The following FILIP1L variants were observed in gnomAD, a reference collection of about 807,000 sequenced individuals.
The protein encoded by FILIP1L is filamin A interacting protein 1 like, also known as filamin A-interacting protein 1-like.
FILIP1L carries 55 observed loss-of-function variants against 96.6 expected under a neutral mutation model. The observed-to-expected ratio is 0.57, with a 90% CI of 0.46 to 0.71. The LOEUF (loss-of-function observed/expected upper bound fraction) is 0.71, where lower values mean the gene tolerates loss of function less well. Among genes scored for constraint, FILIP1L ranks in the 30% least tolerant of loss-of-function variants. FILIP1L has a pLI of 0.00. For synonymous variants in FILIP1L, 467 were observed against 473.9 expected (o/e 0.99, Z 0.19); for missense variants, 1,304 against 1,321.2 (o/e 0.99, Z 0.20).
At chr3:100,055,202 G>A (rs189245333) in intron 1 of FILIP1L, among the ~76,000 whole-genome samples, 281 of 152,166 alleles carry the variant, frequency 1.8e-3, no homozygotes, top group Middle Eastern at 3.4e-3. Flanking sequence ...CAATTTCTTC[G>A]TGTATGCATA....
chr3:99,946,795 C>T (rs1038983774), intron 1 of FILIP1L, among the ~76,000 whole-genome samples: 1 of 152,050 alleles, frequency 6.6e-6, no homozygotes, highest in Non-Finnish European at 1.5e-5. Context: ...ATGTTGGCTG[C>T]AGTATTTAAA....
At chr3:100,084,296 C>T (rs534836781) in intron 1 of FILIP1L, among the ~76,000 whole-genome samples, 1 of 152,176 alleles carries the variant, frequency 6.6e-6, no homozygotes, top group South Asian at 2.1e-4. Flanking sequence ...TTTTCACTAG[C>T]CCATTGAGTA....
At chr3:99,924,582 G>T (rs1191376120) in intron 3 of FILIP1L, among the ~76,000 whole-genome samples, 174 bp from the exon 4 acceptor site, 6 of 152,110 alleles carry the variant, frequency 3.9e-5, no homozygotes, top group African/African-American at 7.2e-5. Context: ...GCAATGGCGC[G>T]ATCTCGACTC....
chr3:100,033,899 T>G (rs907520174), intron 1 of FILIP1L, among the ~76,000 whole-genome samples: 1 of 152,188 alleles, frequency 6.6e-6, no homozygotes, highest in Admixed American at 6.5e-5. Flanking sequence ...GTTTTATGTA[T>G]AACTGAGCAG....
rs930122404 is a variant in FILIP1L, at chr3:99,829,251, G to A, written c.*1163C>T. Among the ~76,000 whole-genome samples, 1 of 152,024 alleles carries A rather than the reference G, an allele frequency of 6.6e-6. No individual in the cohort carries two copies. Among genetic ancestry groups the A allele is most frequent in the Admixed American group, 6.5e-5 (1 of 15,270 alleles). On this transcript the variant is annotated 3_prime_UTR_variant, in exon 6 of 6. Transcript: ENST00000477258. ...TGATTTTTTTCCCCCCTCGATTGAA[G>A]CTTTTTGAAATGTTTTTTGAACTGC...
chr3:100,036,366 A>C (rs2065108249), intron 1 of FILIP1L, among the ~76,000 whole-genome samples: 1 of 152,190 alleles, frequency 6.6e-6, no homozygotes, highest in Non-Finnish European at 1.5e-5. Context: ...AGGAAGTCTC[A>C]AAAAATGATG....
chr3:100,076,781 A>G (rs2065856839), intron 1 of FILIP1L, among the ~76,000 whole-genome samples: 2 of 152,206 alleles, frequency 1.3e-5, no homozygotes, highest in African/African-American at 4.8e-5. Flanking sequence ...TCAGATTTCC[A>G]GGTCATTAAT....
intron 5 of FILIP1L, among the ~76,000 whole-genome samples, chr3:99,835,719 G>T (rs2107494061): frequency 6.6e-6 from 1 of 152,290 alleles, no homozygotes; most frequent in East Asian, 1.9e-4. Context: ...GCTGATTCTT[G>T]CTTTTGAGAT....
At chr3:99,933,931 T>C (rs1461071626) in intron 1 of FILIP1L, among the ~76,000 whole-genome samples, 1 of 152,200 alleles carries the variant, frequency 6.6e-6, no homozygotes, top group Non-Finnish European at 1.5e-5. Flanking sequence ...TAACAATGGC[T>C]CAGAATTCTG....
chr3:99,991,938 G>A (rs1354721120), intron 1 of FILIP1L, among the ~76,000 whole-genome samples: 1 of 146,826 alleles, frequency 6.8e-6, no homozygotes, highest in Non-Finnish European at 1.5e-5. Flanking sequence ...ACATATGTAT[G>A]TGTATATATG....
At chr3:99,974,118 T>G (rs886700872) in intron 1 of FILIP1L, among the ~76,000 whole-genome samples, 2 of 152,212 alleles carry the variant, frequency 1.3e-5, no homozygotes, top group Non-Finnish European at 2.9e-5. Context: ...TCTTTTAATT[T>G]GAAAGTTAAA....
At chr3:100,057,761 C>T (rs1576000811) in intron 1 of FILIP1L, among the ~76,000 whole-genome samples, 1 of 152,170 alleles carries the variant, frequency 6.6e-6, no homozygotes, top group Admixed American at 6.5e-5. Flanking sequence ...GCGTGGCTGG[C>T]TCAGCATAAC....
At chr3:100,044,502 A>G (rs1366392689) in intron 1 of FILIP1L, among the ~76,000 whole-genome samples, 1 of 152,190 alleles carries the variant, frequency 6.6e-6, no homozygotes, top group African/African-American at 2.4e-5. Flanking sequence ...GCTTGCTCCA[A>G]GAACCCAAGT....
rs2066535766 is a variant in FILIP1L, at chr3:100,114,226, G to A, written c.-184C>T. 2 of 151,692 alleles carry A rather than the reference G, an allele frequency of 1.3e-5. No individual in the cohort carries two copies. Among genetic ancestry groups the A allele is most frequent in the Non-Finnish European group, 2.9e-5 (2 of 67,972 alleles). 9.4% of individuals were successfully genotyped at this position (151,692 alleles called of 1,614,324 possible). On this transcript the variant is annotated 5_prime_UTR_variant, in exon 1 of 6. Coordinates refer to ENST00000477258, the MANE Select transcript of FILIP1L (RefSeq NM_001387850.1). ...AGCCACCGAGAGTTTGCAACCAGGG[G>A]CCAGTGATAGCTCTGCAAAGGAGAG... is the stretch of plus-strand genomic sequence containing the variant.
chr3:99,899,725 G>A (rs1220088694), intron 4 of FILIP1L, among the ~76,000 whole-genome samples: 1 of 152,112 alleles, frequency 6.6e-6, no homozygotes, highest in African/African-American at 2.4e-5. Context: ...CACCTTCAGG[G>A]CATCTTTTCT....
intron 1 of FILIP1L, among the ~76,000 whole-genome samples, chr3:99,959,003 A>G (rs1173236501): frequency 6.6e-6 from 1 of 152,144 alleles, no homozygotes; most frequent in Non-Finnish European, 1.5e-5. Flanking sequence ...CTTGGTAACT[A>G]TTTGTTCCTT....
intron 4 of FILIP1L, among the ~76,000 whole-genome samples, chr3:99,874,002 T>G (rs1158647719): frequency 6.6e-6 from 1 of 152,238 alleles, no homozygotes; most frequent in Non-Finnish European, 1.5e-5. Context: ...AAATTGCTCA[T>G]CCAAAGAGCC....
intron 1 of FILIP1L, among the ~76,000 whole-genome samples, chr3:99,988,566 A>G (rs2107123110): frequency 2.0e-5 from 3 of 151,744 alleles, no homozygotes; most frequent in Middle Eastern, 6.8e-3. Flanking sequence ...TCTGAAATAT[A>G]TCTTCAATTC....
intron 1 of FILIP1L, chr3:99,964,217 A>G (rs1708577676): frequency 1.3e-5 from 2 of 152,264 alleles, no homozygotes; most frequent in African/African-American, 4.8e-5. Context: ...GTTAGATTTA[A>G]TTTTTATTTA....
Sources: allele counts gnomAD v4.1 joint callset (sites outside exome capture counted in the v4.1 genomes callset), GRCh38; gene constraint gnomAD v4.1.1; transcripts MANE v1.5; gene names NCBI Gene and HGNC (gene_info 2026-07-23, HGNC 2026-07-21).